The following GRAMD4 variants were observed in gnomAD, a reference collection of about 807,000 sequenced individuals.
GRAMD4 encodes GRAM domain-containing protein 4.
A neutral mutation model predicts 83.9 loss-of-function variants in GRAMD4; 25 were observed. That is an observed-to-expected ratio of 0.30 (90% CI 0.22 to 0.42). The LOEUF (loss-of-function observed/expected upper bound fraction) is 0.42. Ranked by LOEUF, GRAMD4 falls within the 10% of genes least tolerant of loss-of-function variation. GRAMD4 has a pLI of 1.00. For missense variants in GRAMD4, 593 were observed against 788.7 expected (o/e 0.75, Z 2.97); for synonymous variants, 336 against 320.9 (o/e 1.05, Z -0.50).
intron 3 of GRAMD4, among the ~76,000 whole-genome samples, chr22:46,653,470 C>G (rs570168413): frequency 6.6e-6 from 1 of 152,200 alleles, no homozygotes; most frequent in East Asian, 1.9e-4. Context: ...CTTTTTCACA[C>G]AGGCAGGCAT....
intron 3 of GRAMD4, among the ~76,000 whole-genome samples, chr22:46,643,072 CATCTATCCATTT>C (rs2081998610): frequency 6.6e-6 from 1 of 152,098 alleles, no homozygotes; most frequent in Admixed American, 6.5e-5. Flanking sequence ...CCCATCCATC[CATCTATCCATTT>C]ATCCATCCAT....
chr22:46,659,008 C>G lies in GRAMD4; in HGVS notation c.404+701C>G, dbSNP rs768386981. On this transcript the variant is annotated intron_variant, in intron 4 of 18. Coordinates refer to ENST00000406902, the MANE Select transcript of GRAMD4 (RefSeq NM_015124.5). The surrounding 1 kb of genome is among the most constrained non-coding windows in gnomAD (Gnocchi z 4.1). ...AAGCAGGTCATTCAGGACCCCAGCG[C>G]AAGTTACAAAGCCAGTGCCCTCCTG... Among the ~76,000 whole-genome samples, 6 of 152,138 alleles carry G rather than the reference C, an allele frequency of 3.9e-5. No individual in the cohort carries two copies. Among genetic ancestry groups the G allele is most frequent in the Non-Finnish European group, 5.9e-5 (4 of 68,018 alleles).
intron 1 of GRAMD4, among the ~76,000 whole-genome samples, chr22:46,587,042 G>T (rs1349908175): frequency 6.6e-6 from 1 of 152,220 alleles, no homozygotes; most frequent in Non-Finnish European, 1.5e-5. Context: ...CCGTGCTGAT[G>T]GTCGCCTACT....
intron 3 of GRAMD4, among the ~76,000 whole-genome samples, chr22:46,641,950 A>G (rs1295261440): frequency 1.3e-5 from 2 of 152,268 alleles, no homozygotes; most frequent in Admixed American, 1.3e-4. Context: ...CCAGTTTTCA[A>G]AATAATGAGT....
At chr22:46,586,551 C>T (rs970458579) in intron 1 of GRAMD4, among the ~76,000 whole-genome samples, 13 of 152,168 alleles carry the variant, frequency 8.5e-5, no homozygotes, top group African/African-American at 3.1e-4. Flanking sequence ...GTTGGGGAAA[C>T]GTGGGGGTCA....
rs1242090340 is a variant in GRAMD4 at position 46,675,497 on chromosome 22, G to C, written c.1508G>C (p.Gly503Ala). The C allele has an allele frequency of 6.2e-7, 1 of 1,613,368 alleles. No individual in the cohort carries two copies. The highest frequency in any genetic ancestry group is 2.2e-5 in the East Asian group (1 of 44,882). The change falls in exon 17 of 19, where the codon GGG becomes GCG. Residue 503 changes from glycine (G) to alanine (A), a missense_variant. This residue lies in a region of GRAMD4 where 74 missense variants were observed against 152.7 expected (regional missense o/e 0.48). Coordinates refer to ENST00000406902, the MANE Select transcript of GRAMD4 (RefSeq NM_015124.5). ...TTGTGCTTCGAAAGCTCCAAATCTG[G>C]GTCCTCAAAGAGGAACAAAGTCATC... is the stretch of plus-strand genomic sequence containing the variant. Reference protein sequence around the residue: ...NYLCFESSKSGSSKRNKVIKL... With the variant: ...NYLCFESSKSASSKRNKVIKL...
chr22:46,664,166 C>T (rs764301027), intron 8 of GRAMD4, 49 bp downstream of exon 8: 71 of 1,302,340 alleles, frequency 5.5e-5, no homozygotes, highest in Non-Finnish European at 7.8e-5. Context: ...ATGTGCCTGC[C>T]AGCATTCACC....
At chr22:46,587,074 C>T (rs377025004) in intron 1 of GRAMD4, among the ~76,000 whole-genome samples, 9 of 152,338 alleles carry the variant, frequency 5.9e-5, no homozygotes, top group East Asian at 3.9e-4. Context: ...TTTCTCAGCC[C>T]ACTCTGCGCC....
At chr22:46,586,122 A>G (rs13053746) in intron 1 of GRAMD4, among the ~76,000 whole-genome samples, 1 of 151,974 alleles carries the variant, frequency 6.6e-6, no homozygotes, top group Admixed American at 6.5e-5. Context: ...CCTAGAGCAC[A>G]GCCCGGGGAG....
intron 2 of GRAMD4, among the ~76,000 whole-genome samples, chr22:46,630,531 G>A (rs1020245892): frequency 6.6e-6 from 1 of 152,224 alleles, no homozygotes; most frequent in Admixed American, 6.5e-5. Context: ...GTGCCCACCG[G>A]TAGGGTCTGA....
chr22:46,623,287 G>C (rs938754117), intron 1 of GRAMD4, among the ~76,000 whole-genome samples: 10 of 152,226 alleles, frequency 6.6e-5, no homozygotes, highest in Non-Finnish European at 1.3e-4. Flanking sequence ...CTTGGTCCTA[G>C]GGTCCTGGTA....
chr22:46,603,249 C>A (rs1266070838), intron 1 of GRAMD4, among the ~76,000 whole-genome samples: 1 of 139,238 alleles, frequency 7.2e-6, no homozygotes, highest in East Asian at 2.1e-4. Flanking sequence ...GCTGTGTTGC[C>A]CAGGCTGGAT....
intron 1 of GRAMD4, among the ~76,000 whole-genome samples, chr22:46,608,697 G>A (rs560277767): frequency 2.6e-5 from 4 of 151,960 alleles, no homozygotes; most frequent in African/African-American, 7.2e-5. Flanking sequence ...GTGTGTGTGC[G>A]TAGCTGGCCA....
chr22:46,673,513 G>T (rs1007407478), intron 14 of GRAMD4, among the ~76,000 whole-genome samples, 157 bp from the exon 15 acceptor site: 25 of 152,374 alleles, frequency 1.6e-4, no homozygotes, highest in Middle Eastern at 3.4e-3. Flanking sequence ...AGGTGGCCCT[G>T]CCTGGAAGAA....
At chr22:46,652,289 T>C (rs1325542364) in intron 3 of GRAMD4, among the ~76,000 whole-genome samples, 2 of 152,008 alleles carry the variant, frequency 1.3e-5, no homozygotes, top group East Asian at 3.9e-4. Context: ...AGTGACGTCA[T>C]TGCTCCCTGG....
intron 1 of GRAMD4, among the ~76,000 whole-genome samples, chr22:46,625,711 G>A (rs960302462): frequency 2.6e-5 from 4 of 152,270 alleles, no homozygotes; most frequent in East Asian, 1.9e-4. Context: ...ATGGAGCTGC[G>A]TGATGGGGCT....
chr22:46,636,231 G>A (rs2147215851), intron 2 of GRAMD4, among the ~76,000 whole-genome samples: 1 of 152,324 alleles, frequency 6.6e-6, no homozygotes, highest in East Asian at 1.9e-4. Context: ...GGTGCTTGTG[G>A]GATCCCAGCT....
At chr22:46,594,194 C>T (rs543012283) in intron 1 of GRAMD4, among the ~76,000 whole-genome samples, 37 of 151,846 alleles carry the variant, frequency 2.4e-4, no homozygotes, top group Admixed American at 2.4e-3. Flanking sequence ...CCTGCCCCAG[C>T]TCTGTGTGTC....
chr22:46,627,637 C>T (rs1021478215), intron 2 of GRAMD4, among the ~76,000 whole-genome samples: 1 of 152,232 alleles, frequency 6.6e-6, no homozygotes, highest in Non-Finnish European at 1.5e-5. Flanking sequence ...CCTCTAGCTC[C>T]TCCCCGCATG....
Sources: gnomAD v4.1 joint callset for allele counts (sites outside exome capture counted in the v4.1 genomes callset) on GRCh38, gnomAD v4.1.1 for gene constraint, gnomAD v4.1.1 regional missense constraint, Gnocchi (gnomAD v3.1) non-coding constraint, MANE v1.5 for transcripts, NCBI Gene and HGNC (gene_info 2026-07-23, HGNC 2026-07-21) for gene names.